The following OCA2 variants were observed in gnomAD, a reference collection of about 807,000 sequenced individuals.
The protein encoded by OCA2 is P protein.
OCA2 carries 77 observed loss-of-function variants against 100.2 expected under a neutral mutation model. That is an observed-to-expected ratio of 0.77 (90% CI 0.64 to 0.93). The LOEUF is 0.93. OCA2 is among the 40% of genes least tolerant of loss of function. OCA2 has a pLI of 0.00. For missense variants in OCA2, 1,062 were observed against 1,089.1 expected (o/e 0.98, Z 0.35); for synonymous variants, 432 against 439.2 (o/e 0.98, Z 0.21).
chr15:27,859,737 A>ATTCTTT (rs2036064464), intron 21 of OCA2, among the ~76,000 whole-genome samples: 2 of 152,212 alleles, frequency 1.3e-5, no homozygotes, highest in Non-Finnish European at 2.9e-5. Context: ...CTACAGATCA[A>ATTCTTT]TGTTCCTGAT....
intron 7 of OCA2, among the ~76,000 whole-genome samples, chr15:28,017,655 G>A (rs1247544772): frequency 6.6e-6 from 1 of 152,240 alleles, no homozygotes; most frequent in African/African-American, 2.4e-5. Context: ...TACAAGGCAG[G>A]AAAAGGGGAG....
intron 2 of OCA2, among the ~76,000 whole-genome samples, chr15:28,053,271 A>G (rs1215767822): frequency 1.3e-5 from 2 of 152,178 alleles, no homozygotes; most frequent in Non-Finnish European, 2.9e-5. Context: ...TGGGTGGGCC[A>G]TGGAGGGCAC....
chr15:28,038,530 G>A (rs2043111546), intron 2 of OCA2, among the ~76,000 whole-genome samples: 1 of 152,180 alleles, frequency 6.6e-6, no homozygotes, highest in African/African-American at 2.4e-5. Context: ...GGAGAGTACA[G>A]ATTCACAGAC....
downstream of OCA2, among the ~76,000 whole-genome samples, chr15:27,754,521 G>A (rs2030193691): frequency 1.3e-5 from 2 of 152,210 alleles, no homozygotes; most frequent in South Asian, 2.1e-4. Context: ...AGGAGACCTC[G>A]CAGGAAGCAC....
intron 23 of OCA2, among the ~76,000 whole-genome samples, chr15:27,818,543 G>GA (rs1178432160): frequency 6.6e-6 from 1 of 152,148 alleles, no homozygotes; most frequent in Non-Finnish European, 1.5e-5. Flanking sequence ...ACAAACCCTG[G>GA]AGAGTCTTGA....
At chr15:27,770,998 T>TCCTTC (rs1555403595) in intron 23 of OCA2, among the ~76,000 whole-genome samples, 1 of 29,010 alleles carries the variant, frequency 3.4e-5, no homozygotes, top group Admixed American at 3.3e-4. Flanking sequence ...TTCCTTCCCT[T>TCCTTC]CCTTCCTTCC....
chr15:27,973,131 A>G (rs970796564), intron 14 of OCA2, among the ~76,000 whole-genome samples: 1 of 152,024 alleles, frequency 6.6e-6, no homozygotes, highest in Non-Finnish European at 1.5e-5. Context: ...TGGCCTCCCA[A>G]AGTGCTGGGA....
intron 23 of OCA2, among the ~76,000 whole-genome samples, chr15:27,839,908 T>G (rs1036319773): frequency 2.0e-5 from 3 of 152,024 alleles, no homozygotes; most frequent in African/African-American, 7.2e-5. Flanking sequence ...TCCATCAAAA[T>G]AGAAATTAAT....
intron 18 of OCA2, among the ~76,000 whole-genome samples, chr15:27,935,044 G>A (rs557968073): frequency 2.9e-4 from 44 of 152,186 alleles, no homozygotes; most frequent in Non-Finnish European, 4.6e-4. Flanking sequence ...GCTCAGCACC[G>A]GCTCCTCAGG....
chr15:27,725,034 C>G, the OCA2 span, among the ~76,000 whole-genome samples: 2 of 152,228 alleles, frequency 1.3e-5, no homozygotes, highest in South Asian at 2.1e-4. Context: ...TGCTCTGAAG[C>G]AGAGTTGAAG....
At chr15:27,924,265 G>T (rs1276714649) in intron 19 of OCA2, among the ~76,000 whole-genome samples, 2 of 152,034 alleles carry the variant, frequency 1.3e-5, no homozygotes, top group Non-Finnish European at 2.9e-5. Context: ...TCTAAGCTAT[G>T]CAGTTCATCT....
chr15:27,788,968 A>T (rs950785748), intron 23 of OCA2, among the ~76,000 whole-genome samples: 1 of 151,930 alleles, frequency 6.6e-6, no homozygotes, highest in African/African-American at 2.4e-5. Context: ...TTTCATTAAA[A>T]CCTAGAGATT....
At chr15:28,096,275 TC>T (rs1293946955) in intron 1 of OCA2, among the ~76,000 whole-genome samples, 3 of 150,250 alleles carry the variant, frequency 2.0e-5, no homozygotes, top group Non-Finnish European at 4.4e-5. Flanking sequence ...TGGTAGTGTC[TC>T]CGGGGGCATG....
rs1456210108 is a variant in OCA2 at position 27,776,981 on chromosome 15, G to GC, written c.2433-21510_2433-21509insG. On this transcript the variant is annotated intron_variant, in intron 23 of 23. Transcript: ENST00000354638. ...GCGGCGGGGAGCGTGAGGTGGGGGG[G>GC]GGTGGGGGGAGTGTTGGAGAGCACT... Among the ~76,000 whole-genome samples the GC allele has an allele frequency of 2.0e-5, 3 of 150,998 alleles. No homozygotes were observed. The East Asian group carries it at 6.0e-4, about 30-fold the overall frequency.
At position 27,758,447 on chromosome 15, in the gene OCA2, G is replaced by A. The variant is rs866604149; in HGVS notation, c.2433-2975C>T. ...CTCCTGTGGTAACAGCAGAGACCAC[G>A]TGGGGATCCCACGAGCCAGGGGTGT... On this transcript the variant is annotated intron_variant, in intron 23 of 23. Transcript: ENST00000354638. 1.1e-4 allele frequency among the ~76,000 whole-genome samples: 17 copies of A among 152,352 alleles called. No individual in the cohort carries two copies. In the East Asian group the frequency reaches 1.4e-3, roughly 12 times the overall value.
At chr15:27,983,933 G>C (rs2041255523) in intron 13 of OCA2, among the ~76,000 whole-genome samples, 1 of 150,102 alleles carries the variant, frequency 6.7e-6, no homozygotes, top group Admixed American at 6.7e-5. Context: ...CCCTCCCTTT[G>C]TTTTATTCAT....
At chr15:27,898,498 T>C (rs1029475707) in intron 19 of OCA2, among the ~76,000 whole-genome samples, 30 of 152,334 alleles carry the variant, frequency 2.0e-4, no homozygotes, top group African/African-American at 7.2e-4. Flanking sequence ...GACTTGCTTC[T>C]CCTCGTCTTT....
At position 28,073,455 on chromosome 15, in the gene OCA2, A is replaced by T. The variant is rs142224930; in HGVS notation, c.227+8193T>A. 1.1e-4 allele frequency among the ~76,000 whole-genome samples: 17 copies of T among 152,324 alleles called. No individual in the cohort carries two copies. The South Asian group carries it at 1.2e-3, about 11-fold the overall frequency. On this transcript the variant is annotated intron_variant, in intron 2 of 23. Transcript: ENST00000354638. ...AATCATCTCCTTTGCAGTAACATAGATGGAGCTGGAAGCTATAACCCTAAA... is the reference window on the plus strand; with the variant it reads ...AATCATCTCCTTTGCAGTAACATAGTTGGAGCTGGAAGCTATAACCCTAAA...
intron 23 of OCA2, among the ~76,000 whole-genome samples, chr15:27,844,055 C>T (rs1228373899): frequency 6.6e-6 from 1 of 152,218 alleles, no homozygotes; most frequent in African/African-American, 2.4e-5. Context: ...CACCATTTGA[C>T]AGGGGTTTCC....
Sources: allele counts gnomAD v4.1 joint callset (sites outside exome capture counted in the v4.1 genomes callset), GRCh38; gene constraint gnomAD v4.1.1; transcripts MANE v1.5; gene names NCBI Gene and HGNC (gene_info 2026-07-23, HGNC 2026-07-21).